PARP10: variants seen among roughly 807,000 people sequenced by gnomAD.
PARP10 encodes the protein protein mono-ADP-ribosyltransferase PARP10.
A neutral mutation model predicts 82.4 loss-of-function variants in PARP10; 56 were observed. The observed-to-expected ratio is 0.68, with a 90% CI of 0.55 to 0.85. The LOEUF (loss-of-function observed/expected upper bound fraction) is 0.85. PARP10 is among the 40% of genes least tolerant of loss of function. PARP10 has a pLI of 0.00. For synonymous variants in PARP10, 576 were observed against 601.1 expected (o/e 0.96, Z 0.61); for missense variants, 1,227 against 1,379.4 (o/e 0.89, Z 1.75).
At chr8:143,978,302 C>T (rs1833762587) in intron 9 of PARP10, among the ~76,000 whole-genome samples, 1 of 152,126 alleles carries the variant, frequency 6.6e-6, no homozygotes, top group South Asian at 2.1e-4. Context: ...CCCTCCCCCT[C>T]CCGTGGAGGT....
rs1379341567 is a variant in PARP10 at position 144,011,174 on chromosome 8, C to G, written c.-80+1356G>C. ...ATGTAACCATCACTGACTGCATCAA[C>G]CCAAGAGGCTAACAGTGAAATAAGA... On this transcript the variant is annotated intron_variant, in intron 1 of 3. Coordinates refer to the PARP10 transcript ENST00000530478. This position sits in a 1 kb window ranked among gnomAD's most constrained non-coding sequence, Gnocchi z 4.5. Among the ~76,000 whole-genome samples, 1 of 152,096 alleles carries G rather than the reference C, an allele frequency of 6.6e-6. No individual in the cohort carries two copies. The highest frequency in any genetic ancestry group is 1.5e-5 in the Non-Finnish European group (1 of 68,030).
chr8:144,005,730 G>T (rs1446840492), intron 1 of PARP10, among the ~76,000 whole-genome samples: 1 of 152,036 alleles, frequency 6.6e-6, no homozygotes, highest in Non-Finnish European at 1.5e-5. Flanking sequence ...CAGGGCGTCT[G>T]CACTGGCTGT....
At chr8:143,986,482 G>A, upstream of PARP10, 1 of 1,530,640 alleles carries the variant, frequency 6.5e-7, no homozygotes, top group Non-Finnish European at 9.0e-7. Context: ...ACGGAAGGAG[G>A]GAGGGAGCAG....
intron 1 of PARP10, chr8:144,012,468 A>G (rs1554752585): frequency 1.1e-5 from 16 of 1,516,848 alleles, no homozygotes; most frequent in Non-Finnish European, 1.3e-5. Context: ...GGCAGCCTCC[A>G]GGTGCAGTGC....
chr8:143,978,407 C>G (rs1256498022), intron 9 of PARP10, among the ~76,000 whole-genome samples: 1 of 152,278 alleles, frequency 6.6e-6, no homozygotes, highest in East Asian at 1.9e-4. Flanking sequence ...GACTCCAACA[C>G]GAGGAGATGC....
intron 1 of PARP10, among the ~76,000 whole-genome samples, chr8:143,998,576 TTAAATAAA>T (rs1458288911): frequency 1.3e-5 from 2 of 152,144 alleles, no homozygotes; most frequent in African/African-American, 4.8e-5. Flanking sequence ...AATAAGGACT[TTAAATAAA>T]TATGGTGGAT....
At chr8:143,998,149 T>A (rs934226496) in intron 1 of PARP10, among the ~76,000 whole-genome samples, 39 of 152,054 alleles carry the variant, frequency 2.6e-4, no homozygotes, top group Non-Finnish European at 2.9e-4. Flanking sequence ...ATGTAATAAA[T>A]AAATGTAAAG....
chr8:143,982,404 G>A (rs1833884601), intron 9 of PARP10, among the ~76,000 whole-genome samples: 1 of 152,138 alleles, frequency 6.6e-6, no homozygotes, highest in African/African-American at 2.4e-5. Flanking sequence ...AACCCGGGAG[G>A]CGGAGCTTGC....
rs1324384713 is a variant in PARP10, at chr8:143,985,643, G to A, written c.442C>T (p.Arg148Cys). 1.1e-5 allele frequency: 17 copies of A among 1,612,920 alleles called. No individual in the cohort carries two copies. The Admixed American group carries it at 1.3e-4, about 13-fold the overall frequency. Reference sequence around the variant, plus strand: ...TTCTGGGCCTGCTCCTCCAGGACACGGACATCTGTGGGGTATGTGCAGGTC... The same window carrying A: ...TTCTGGGCCTGCTCCTCCAGGACACAGACATCTGTGGGGTATGTGCAGGTC... ...LPKPLSEADV[R>C]VLEEQAQNLG... The change falls in exon 4 of 11, where the codon CGT (arginine) becomes TGT (cysteine). Residue 148 changes from arginine to cysteine, a missense_variant. Coordinates refer to ENST00000313028, the MANE Select transcript of PARP10 (RefSeq NM_032789.5).
chr8:143,996,504 C>T (rs147926363), intron 1 of PARP10, among the ~76,000 whole-genome samples: 14 of 152,222 alleles, frequency 9.2e-5, no homozygotes, highest in Non-Finnish European at 1.9e-4. Context: ...ACTGGGGCCA[C>T]TGTTCTGCAG....
rs1380087012 is a variant in PARP10 at position 144,008,535 on chromosome 8, T to C, written c.-80+3995A>G. 6.6e-6 allele frequency among the ~76,000 whole-genome samples: 1 copy of C among 152,318 alleles called. No individual in the cohort carries two copies. Among genetic ancestry groups the C allele is most frequent in the South Asian group, 2.1e-4 (1 of 4,828 alleles). On this transcript the variant is annotated intron_variant, in intron 1 of 3. Coordinates refer to the PARP10 transcript ENST00000530478. This position sits in a 1 kb window ranked among gnomAD's most constrained non-coding sequence, Gnocchi z 4.0. ...GACAACACTGGAGGTTTGTTCACAG[T>C]GAGCCCCTAACGGGCCGGGAGGAGC...
At chr8:143,982,010 ATGG>A (rs1441554246) in intron 9 of PARP10, among the ~76,000 whole-genome samples, 6 of 178 alleles carry the variant, frequency 0.034, no homozygotes, top group African/African-American at 0.088. Context: ...GATGGTGATG[ATGG>A]TGGTGATGAT....
chr8:143,983,798 T>C lies in PARP10; in HGVS notation c.1791A>G (p.Glu597=). 1 of 1,588,642 alleles carries C rather than the reference T, an allele frequency of 6.3e-7. No homozygotes were observed. The highest frequency in any genetic ancestry group is 8.6e-7 in the Non-Finnish European group (1 of 1,164,956). ...QEDVSLEEVR[E]LLATLEGLDL... ...CTAGGCCCTCCAGGGTGGCCAGCAG[T>C]TCTCGGACCTCCTCTGGGGGCAGGG... is the stretch of plus-strand genomic sequence containing the variant. The change falls in exon 8 of 11, where the codon GAA becomes GAG. Residue 597 remains glutamate, a synonymous_variant. Transcript: ENST00000313028.
intron 9 of PARP10, among the ~76,000 whole-genome samples, chr8:143,979,872 C>T (rs1363307676): frequency 2.6e-5 from 4 of 151,340 alleles, no homozygotes; most frequent in Non-Finnish European, 4.4e-5. Context: ...TTTAGCCGGG[C>T]GCGGTGGCGG....
rs185065047 is a variant in PARP10 at position 144,009,992 on chromosome 8, A to T, written c.-80+2538T>A. ...TTTCTTCCCTCCAATCTGTTCCCAC[A>T]TGCCCTTCCCTAAAGATCAATCAAG... is the stretch of plus-strand genomic sequence containing the variant. On this transcript the variant is annotated intron_variant, in intron 1 of 3. Coordinates refer to the PARP10 transcript ENST00000530478. 2.4e-4 allele frequency among the ~76,000 whole-genome samples: 36 copies of T among 152,184 alleles called. 1 individual carries two copies. The highest frequency in any genetic ancestry group is 2.0e-3 in the Admixed American group (31 of 15,290).
upstream of PARP10, chr8:143,991,160 C>T: frequency 8.3e-7 from 1 of 1,201,500 alleles, no homozygotes; most frequent in Non-Finnish European, 1.2e-6. Context: ...ACGCTGTCGT[C>T]AAGCCAACTG....
In PARP10 at chr8:143,986,182, C is replaced by T. The variant is rs1179275238; in HGVS notation, c.54G>A (p.Leu18=). The T allele has an allele frequency of 1.9e-6, 3 of 1,613,654 alleles. No individual in the cohort carries two copies. The highest frequency in any genetic ancestry group is 3.3e-5 in the Admixed American group (2 of 60,010). Reference sequence around the variant, plus strand: ...GCAGCTCGTCGGGCACGGCAGGGGGCAGTCCACGGACCTCCACTGCCACCC... The same window carrying T: ...GCAGCTCGTCGGGCACGGCAGGGGGTAGTCCACGGACCTCCACTGCCACCC... ...EAGVAVEVRG[L]PPAVPDELLT... Residue 18 remains leucine (L), a synonymous_variant, in exon 2 of 11, where the codon CTG becomes CTA. Coordinates refer to ENST00000313028, the MANE Select transcript of PARP10 (RefSeq NM_032789.5).
chr8:143,977,663 C>G lies in PARP10; in HGVS notation c.2899G>C (p.Gly967Arg). 1 of 1,594,632 alleles carries G rather than the reference C, an allele frequency of 6.3e-7. No homozygotes were observed. Among genetic ancestry groups the G allele is most frequent in the South Asian group, 1.1e-5 (1 of 88,618 alleles). ...RRGLRAPPLR[G>R]PGHVLLRYDS... ...TAGCGCAGGAGCACGTGGCCAGGAC[C>G]CCGCAGAGGGGGCGCCCGCAGACCG... The change falls in exon 11 of 11, where the codon GGT (glycine) becomes CGT (arginine). Residue 967 changes from glycine (G) to arginine (R), a missense_variant. Transcript: ENST00000313028.
chr8:143,991,162 A>G, upstream of PARP10: 1 of 1,223,624 alleles, frequency 8.2e-7, no homozygotes, highest in South Asian at 1.5e-5. Context: ...GCTGTCGTCA[A>G]GCCAACTGTT....
Sources: allele counts gnomAD v4.1 joint callset (sites outside exome capture counted in the v4.1 genomes callset), GRCh38; gene constraint gnomAD v4.1.1; non-coding constraint Gnocchi (gnomAD v3.1); transcripts MANE v1.5; gene names NCBI Gene and HGNC (gene_info 2026-07-23, HGNC 2026-07-21).